Variants in DLGAP2 observed in about 807,000 individuals in gnomAD.
DLGAP2 encodes DLG associated protein 2.
DLGAP2 carries 26 observed loss-of-function variants against 100.3 expected under a neutral mutation model. The observed-to-expected ratio is 0.26, with a 90% CI of 0.19 to 0.36. The LOEUF (loss-of-function observed/expected upper bound fraction) is 0.36. Ranked by LOEUF, DLGAP2 falls within the 10% of genes least tolerant of loss-of-function variation. The pLI, the probability that DLGAP2 is intolerant of heterozygous loss-of-function variation, is 1.00. For synonymous variants in DLGAP2, 886 were observed against 630.1 expected (o/e 1.41, Z -6.08); for missense variants, 1,858 against 1,453.2 (o/e 1.28, Z -4.53).
chr8:1,373,241 C>G (rs1802290893), intron 3 of DLGAP2, among the ~76,000 whole-genome samples: 1 of 152,090 alleles, frequency 6.6e-6, no homozygotes. Flanking sequence ...GAAAGCCACG[C>G]CCCTCGGGGG....
intron 6 of DLGAP2, among the ~76,000 whole-genome samples, chr8:1,573,844 T>C (rs1196930230): frequency 6.6e-6 from 1 of 152,188 alleles, no homozygotes; most frequent in East Asian, 1.9e-4. Flanking sequence ...GACCCTAGAA[T>C]ACTTACATCT....
At chr8:846,494 A>G (rs1797074078) in intron 1 of DLGAP2, among the ~76,000 whole-genome samples, 2 of 152,144 alleles carry the variant, frequency 1.3e-5, no homozygotes, top group South Asian at 2.1e-4. Context: ...ATAGTATTCC[A>G]CTGTCTATAA....
intron 1 of DLGAP2, among the ~76,000 whole-genome samples, chr8:802,239 CTG>C (rs1796182484): frequency 2.0e-5 from 3 of 151,202 alleles, no homozygotes; most frequent in African/African-American, 4.9e-5. Context: ...GGGGAATGGT[CTG>C]CACTCCTCCT....
At chr8:883,968 T>C (rs765715843) in intron 1 of DLGAP2, among the ~76,000 whole-genome samples, 3 of 152,240 alleles carry the variant, frequency 2.0e-5, no homozygotes, top group Non-Finnish European at 4.4e-5. Flanking sequence ...AAGGACATGA[T>C]CTCTTTGCTT....
chr8:1,412,873 C>G (rs1796773360), intron 3 of DLGAP2, among the ~76,000 whole-genome samples: 1 of 77,532 alleles, frequency 1.3e-5, no homozygotes, highest in East Asian at 4.6e-4. Context: ...ATTACAGTGC[C>G]TCTCGCATGC....
chr8:878,819 G>C (rs559142597), intron 1 of DLGAP2, among the ~76,000 whole-genome samples: 17 of 152,234 alleles, frequency 1.1e-4, no homozygotes, highest in African/African-American at 4.1e-4. Context: ...CATGTTGTGA[G>C]ACAGCACAAG....
intron 2 of DLGAP2, among the ~76,000 whole-genome samples, chr8:1,206,832 G>A (rs992510905): frequency 2.0e-5 from 3 of 152,142 alleles, no homozygotes; most frequent in Admixed American, 6.5e-5. Flanking sequence ...CCCCTCTTCT[G>A]TCGCTGACAC....
intron 3 of DLGAP2, among the ~76,000 whole-genome samples, chr8:1,317,462 C>G (rs1189250046): frequency 7.2e-6 from 1 of 138,598 alleles, no homozygotes; most frequent in East Asian, 2.3e-4. Context: ...AGAGGCTGTG[C>G]GAGTGCAGCG....
intron 1 of DLGAP2, among the ~76,000 whole-genome samples, chr8:816,261 C>T (rs1427240477): frequency 7.3e-6 from 1 of 136,436 alleles, no homozygotes; most frequent in Non-Finnish European, 1.5e-5. Context: ...CTATTTGTTT[C>T]CTGAATACCT....
At chr8:1,068,073 A>G (rs1803312645) in intron 2 of DLGAP2, among the ~76,000 whole-genome samples, 1 of 152,106 alleles carries the variant, frequency 6.6e-6, no homozygotes, top group South Asian at 2.1e-4. Flanking sequence ...AGCCTTTTCA[A>G]ATGGGCTTCG....
At chr8:1,589,477 C>G (rs1354601539) in intron 6 of DLGAP2, among the ~76,000 whole-genome samples, 2 of 152,254 alleles carry the variant, frequency 1.3e-5, no homozygotes, top group South Asian at 2.1e-4. Flanking sequence ...TGCTGTGTTG[C>G]CCAGGCTGGA....
At chr8:994,248 T>G (rs1410932357) in intron 2 of DLGAP2, among the ~76,000 whole-genome samples, 2 of 152,222 alleles carry the variant, frequency 1.3e-5, no homozygotes, top group African/African-American at 4.8e-5. Context: ...TTGCCCAGGC[T>G]GGAGTGCAGT....
intron 12 of DLGAP2, 103 bp from the exon 13 acceptor site, chr8:1,691,432 A>G (rs1799257605): frequency 3.1e-6 from 3 of 969,596 alleles, no homozygotes; most frequent in Non-Finnish European, 3.1e-6. Flanking sequence ...GTCAGTTTTC[A>G]TCTCCAGTGG....
chr8:1,385,921 G>A (rs1796209055), intron 3 of DLGAP2, among the ~76,000 whole-genome samples: 1 of 152,198 alleles, frequency 6.6e-6, no homozygotes, highest in South Asian at 2.1e-4. Flanking sequence ...CCCTTCTCCG[G>A]GAGCCACGAC....
intron 2 of DLGAP2, among the ~76,000 whole-genome samples, chr8:1,221,733 A>G (rs906057234): frequency 1.3e-5 from 2 of 152,198 alleles, no homozygotes; most frequent in Non-Finnish European, 1.5e-5. Flanking sequence ...CAGCAATGTT[A>G]GCGAGTCATA....
At chr8:1,623,946 G>T (rs1197086176) in intron 6 of DLGAP2, among the ~76,000 whole-genome samples, 1 of 152,208 alleles carries the variant, frequency 6.6e-6, no homozygotes, top group Admixed American at 6.5e-5. Flanking sequence ...GAATCATTGA[G>T]AGAATATGTA....
chr8:984,815 G>T (rs1008243038), intron 2 of DLGAP2, among the ~76,000 whole-genome samples: 1 of 152,168 alleles, frequency 6.6e-6, no homozygotes, highest in Non-Finnish European at 1.5e-5. Context: ...AATGCAAGTG[G>T]CATAAACAAA....
intron 3 of DLGAP2, among the ~76,000 whole-genome samples, chr8:1,418,942 A>T (rs571753851): frequency 6.6e-6 from 1 of 152,314 alleles, no homozygotes; most frequent in African/African-American, 2.4e-5. Context: ...AACTCGGGGA[A>T]ACACTTTACT....
At chr8:1,051,594 A>C (rs538906189) in intron 2 of DLGAP2, among the ~76,000 whole-genome samples, 2 of 152,332 alleles carry the variant, frequency 1.3e-5, no homozygotes, top group South Asian at 4.1e-4. Context: ...ACTTGCTACT[A>C]TGTAATTTTA....
Sources: allele counts gnomAD v4.1 joint callset (sites outside exome capture counted in the v4.1 genomes callset), GRCh38; gene constraint gnomAD v4.1.1; transcripts MANE v1.5; gene names NCBI Gene and HGNC (gene_info 2026-07-23, HGNC 2026-07-21).